The following AEBP2 variants were observed in gnomAD, a reference collection of about 807,000 sequenced individuals.
The protein encoded by AEBP2 is zinc finger protein AEBP2.
A neutral mutation model predicts 50.8 loss-of-function variants in AEBP2; 10 were observed. The ratio of observed to expected loss-of-function variants is 0.20; its 90% CI spans 0.12 to 0.33. The LOEUF is 0.33. AEBP2 is among the 10% of genes least tolerant of loss of function. The pLI, the probability that AEBP2 is intolerant of heterozygous loss-of-function variation, is 1.00. For synonymous variants in AEBP2, 296 were observed against 261.3 expected (o/e 1.13, Z -1.28); for missense variants, 570 against 688.0 (o/e 0.83, Z 1.92).
intron 1 of AEBP2, among the ~76,000 whole-genome samples, chr12:19,428,277 C>T (rs987792506): frequency 6.6e-6 from 1 of 152,138 alleles, no homozygotes; most frequent in Non-Finnish European, 1.5e-5. Context: ...ATTTCTTTCT[C>T]CCTTACAAAA....
chr12:19,408,027 G>T (rs1164266426), intron 1 of AEBP2, among the ~76,000 whole-genome samples: 2 of 150,650 alleles, frequency 1.3e-5, no homozygotes, highest in African/African-American at 2.4e-5. Context: ...CTCCAGCCTG[G>T]GCAACAAGAG....
intron 3 of AEBP2, among the ~76,000 whole-genome samples, chr12:19,491,379 T>C (rs1263981245): frequency 6.6e-6 from 1 of 152,168 alleles, no homozygotes; most frequent in Non-Finnish European, 1.5e-5. Flanking sequence ...CTATTCAGGG[T>C]TTCCCATAGC....
At chr12:19,511,374 G>C (rs1410010578) in intron 5 of AEBP2, among the ~76,000 whole-genome samples, 1 of 152,172 alleles carries the variant, frequency 6.6e-6, no homozygotes, top group Non-Finnish European at 1.5e-5. Flanking sequence ...ATGTTCCATA[G>C]TTTGGGAAAC....
chr12:19,433,257 G>A (rs960311145), intron 1 of AEBP2, among the ~76,000 whole-genome samples: 7 of 151,922 alleles, frequency 4.6e-5, no homozygotes, highest in East Asian at 2.0e-4. Context: ...GTGTGGTGGC[G>A]CATGCCTGTA....
chr12:19,465,120 C>G (rs758329159), intron 2 of AEBP2, among the ~76,000 whole-genome samples: 1 of 151,974 alleles, frequency 6.6e-6, no homozygotes, highest in Non-Finnish European at 1.5e-5. Flanking sequence ...TTTGGCCGGG[C>G]GCGGTGGCTC....
At chr12:19,429,085 T>C (rs1266590967) in intron 1 of AEBP2, among the ~76,000 whole-genome samples, 2 of 152,222 alleles carry the variant, frequency 1.3e-5, no homozygotes, top group African/African-American at 4.8e-5. Context: ...TATTAACTCG[T>C]CATTTAACAT....
intron 7 of AEBP2, 61 bp from the exon 8 acceptor site, chr12:19,518,024 CTT>C (rs1346093703): frequency 1.4e-6 from 2 of 1,455,646 alleles, no homozygotes; most frequent in Non-Finnish European, 1.9e-6. Flanking sequence ...TTTAATGTCT[CTT>C]GAAGCACTCA....
intron 2 of AEBP2, among the ~76,000 whole-genome samples, chr12:19,464,455 T>A (rs1948435100): frequency 6.6e-6 from 1 of 152,160 alleles, no homozygotes; most frequent in Non-Finnish European, 1.5e-5. Flanking sequence ...GAATTTCACA[T>A]TTCTGAGTCT....
intron 1 of AEBP2, among the ~76,000 whole-genome samples, chr12:19,415,450 C>T (rs1175573324): frequency 1.4e-5 from 2 of 143,448 alleles, no homozygotes; most frequent in African/African-American, 5.2e-5. Flanking sequence ...GCAAATACTT[C>T]TGTTACTAGT....
intron 1 of AEBP2, among the ~76,000 whole-genome samples, chr12:19,421,340 G>A (rs1414616084): frequency 5.7e-5 from 5 of 87,818 alleles, no homozygotes; most frequent in African/African-American, 2.3e-4. Flanking sequence ...GCGAGACTCT[G>A]TCTCAAAAAA....
rs535652862 is a variant in AEBP2 at position 19,447,443 on chromosome 12, A to G, written c.671+7073A>G. On this transcript the variant is annotated intron_variant, in intron 1 of 7. Coordinates refer to ENST00000266508, the MANE Select transcript of AEBP2 (RefSeq NM_153207.5). ...CTATCTTGATTGGCACTTTATCTGTAGCACCTGGCTATGTAAACGTTATTT... is the reference window on the plus strand; with the variant it reads ...CTATCTTGATTGGCACTTTATCTGTGGCACCTGGCTATGTAAACGTTATTT... Among the ~76,000 whole-genome samples, 4 of 152,262 alleles carry G rather than the reference A, an allele frequency of 2.6e-5. No homozygotes were observed. In the East Asian group the frequency reaches 7.7e-4, roughly 29 times the overall value.
At chr12:19,479,716 G>GTTTTTTTTTTTTTTTTTTTTTT (rs1565723172) in intron 3 of AEBP2, among the ~76,000 whole-genome samples, 2 of 29,892 alleles carry the variant, frequency 6.7e-5, no homozygotes, top group African/African-American at 1.1e-4. Context: ...CCTCTTTGTG[G>GTTTTTTTTTTTTTTTTTTTTTT]GTTTTTTTTT....
At chr12:19,415,987 A>C (rs558542574) in intron 1 of AEBP2, among the ~76,000 whole-genome samples, 1 of 152,290 alleles carries the variant, frequency 6.6e-6, no homozygotes, top group Admixed American at 6.5e-5. Flanking sequence ...GTTCCAGACC[A>C]GCCTGGGTAA....
chr12:19,518,832 A>G lies in AEBP2; in HGVS notation c.*715A>G, dbSNP rs575689700. The stretch of plus-strand genomic sequence containing the variant: ...CCCTTTTCAGGACTAGGGCTTTCTC[A>G]TGGAGTACAGTATGTTAATATTTAC... On this transcript the variant is annotated 3_prime_UTR_variant, in exon 8 of 8. Coordinates refer to ENST00000266508, the MANE Select transcript of AEBP2 (RefSeq NM_153207.5). The G allele has an allele frequency of 5.0e-6, 4 of 804,160 alleles. No homozygotes were observed. The highest frequency in any genetic ancestry group is 3.0e-5 in the East Asian group (1 of 33,850). 49.8% of individuals were successfully genotyped at this position (804,160 alleles called of 1,614,324 possible).
intron 1 of AEBP2, among the ~76,000 whole-genome samples, chr12:19,407,846 C>T (rs12814063): frequency 2.0e-5 from 3 of 151,978 alleles, no homozygotes; most frequent in East Asian, 2.0e-4. Context: ...GTTGGGAGTT[C>T]GAGACCAGCC....
rs771546693 is a variant in AEBP2, at chr12:19,519,800, C to T, written c.*1683C>T. On this transcript the variant is annotated 3_prime_UTR_variant, in exon 8 of 8. Transcript: ENST00000266508. Reference sequence around the variant, plus strand: ...AATTATGAGAGACTTTATTCGTTAACAATGGGGGTAAAGAGCTATATACAT... The same window carrying T: ...AATTATGAGAGACTTTATTCGTTAATAATGGGGGTAAAGAGCTATATACAT... The T allele has an allele frequency of 4.6e-5, 7 of 152,296 alleles. No individual in the cohort carries two copies. Among genetic ancestry groups the T allele is most frequent in the African/African-American group, 7.3e-5 (3 of 41,376 alleles). The allele number at this position is 152,296 out of a possible 1,614,324, so 9.4% of individuals were successfully genotyped here. A position where few individuals can be genotyped will look rare whatever the true frequency, so the allele number is the denominator to read the frequency against.
intron 1 of AEBP2, among the ~76,000 whole-genome samples, chr12:19,458,097 C>T (rs1466286991): frequency 5.3e-5 from 8 of 152,266 alleles, no homozygotes; most frequent in Middle Eastern, 3.4e-3. Flanking sequence ...TGGATTGTCT[C>T]TTGTTACATA....
chr12:19,449,542 T>A (rs1022306446), intron 1 of AEBP2, among the ~76,000 whole-genome samples: 18 of 152,256 alleles, frequency 1.2e-4, no homozygotes, highest in African/African-American at 4.3e-4. Flanking sequence ...CTATATTTCA[T>A]CATTGTTGCA....
At chr12:19,420,322 C>G (rs1414526465) in intron 1 of AEBP2, among the ~76,000 whole-genome samples, 11 of 139,600 alleles carry the variant, frequency 7.9e-5, no homozygotes, top group Admixed American at 7.0e-4. Flanking sequence ...AGCCACTGTG[C>G]TGACCATTTT....
Sources: gnomAD v4.1 joint callset for allele counts (sites outside exome capture counted in the v4.1 genomes callset) on GRCh38, gnomAD v4.1.1 for gene constraint, MANE v1.5 for transcripts, NCBI Gene and HGNC (gene_info 2026-07-23, HGNC 2026-07-21) for gene names.